Variants in USP13 observed in about 807,000 individuals in gnomAD.
The protein encoded by USP13 is ubiquitin specific peptidase 13.
USP13 carries 68 observed loss-of-function variants against 107.8 expected under a neutral mutation model. The observed-to-expected ratio is 0.63, with a 90% confidence interval of 0.52 to 0.77. USP13 has a LOEUF of 0.77. USP13 is among the 30% of genes least tolerant of loss of function. USP13 has a pLI of 0.00. For missense variants in USP13, 945 were observed against 1,093.3 expected, an observed-to-expected ratio of 0.86 and a Z score of 1.91; for synonymous variants, 377 against 389.5, an observed-to-expected ratio of 0.97 and a Z score of 0.38.
rs550818389 is a variant in USP13, at chr3:179,758,206, G to T, written c.1948+1128G>T. On this transcript the variant is annotated intron_variant, in intron 16 of 20. Transcript: ENST00000263966. ...AGACCTGGGACCAGAACTAGGGCTA[G>T]GAGTTACCTTGCTTCTCATGCCACT... Among the ~76,000 whole-genome samples the T allele has an allele frequency of 7.9e-5, 12 of 152,242 alleles. No homozygotes were observed. In the South Asian group the frequency reaches 2.5e-3, roughly 32 times the overall value.
intron 6 of USP13, among the ~76,000 whole-genome samples, chr3:179,711,778 T>C (rs1397214055): frequency 6.6e-6 from 1 of 152,182 alleles, no homozygotes; most frequent in Admixed American, 6.5e-5. Context: ...CCCGAGGCTG[T>C]TGTACAGTTA....
chr3:179,762,202 TG>T (rs1715034940), intron 17 of USP13, among the ~76,000 whole-genome samples: 1 of 152,262 alleles, frequency 6.6e-6, no homozygotes, highest in African/African-American at 2.4e-5. Flanking sequence ...CGTTTGTGTT[TG>T]GTTTCTATCA....
chr3:179,677,244 G>A (rs1711508549), intron 1 of USP13, among the ~76,000 whole-genome samples: 1 of 151,776 alleles, frequency 6.6e-6, no homozygotes, highest in African/African-American at 2.4e-5. Flanking sequence ...TATGGACTTC[G>A]TGACATTATC....
In USP13 at chr3:179,787,353, T is replaced by C. The variant is rs1210259147; in HGVS notation, c.*3212T>C. 1 of 152,264 alleles carries C rather than the reference T, an allele frequency of 6.6e-6. No homozygotes were observed. The highest frequency in any genetic ancestry group is 1.5e-5 in the Non-Finnish European group (1 of 68,054). 9.4% of individuals were successfully genotyped at this position (152,264 alleles called of 1,614,324 possible). ...CTGTACCTCTCTGGGCCTTTTCATT[T>C]GAAACAAGTGGGTTAGACTAGATTA... is the stretch of plus-strand genomic sequence containing the variant. On this transcript the variant is annotated 3_prime_UTR_variant, in exon 21 of 21. Coordinates refer to ENST00000263966, the MANE Select transcript of USP13 (RefSeq NM_003940.3).
chr3:179,745,169 TTGA>T lies in USP13; in HGVS notation c.1666_1668del (p.Asp556del). The T allele has an allele frequency of 1.9e-6, 3 of 1,614,014 alleles. No individual in the cohort carries two copies. Among genetic ancestry groups the T allele is most frequent in the Non-Finnish European group, 2.5e-6 (3 of 1,180,002 alleles). ...CAGGCCTTCTCTGAACCAGAAAATG[TTGA>T]TGATTTCTGGAGCAGTGCCCTACAA... On this transcript the variant is annotated inframe_deletion, in exon 13 of 21. Transcript: ENST00000263966.
intron 4 of USP13, among the ~76,000 whole-genome samples, chr3:179,701,765 C>G (rs73172283): frequency 0.19 from 29,130 of 152,064 alleles, 2,894 homozygotes; most frequent in Admixed American, 0.25. Context: ...CTTCCCTTCT[C>G]TTTTCTTCCT....
chr3:179,677,590 T>G (rs537735148), intron 1 of USP13, among the ~76,000 whole-genome samples: 1 of 151,860 alleles, frequency 6.6e-6, no homozygotes, highest in Non-Finnish European at 1.5e-5. Context: ...GAAAATAAAA[T>G]AAAATAAAAT....
At chr3:179,754,882 G>C (rs769436855) in intron 15 of USP13, 28 bp downstream of exon 15, 27 of 1,597,758 alleles carry the variant, frequency 1.7e-5, no homozygotes, top group Non-Finnish European at 2.3e-5. Flanking sequence ...GAGAATATGC[G>C]CTACCCTCCC....
rs1050804428 is a variant in USP13, at chr3:179,765,755, A to G, written c.2320A>G (p.Ser774Gly). ...TAGCCACCCTGAGTTTGAAGAAGAC[A>G]GTGATTTTGTGATTGAGATGGAGAA... ...IFSHPEFEED[S>G]DFVIEMENNA... Residue 774 changes from serine to glycine, a missense_variant, in exon 19 of 21, where the codon AGT becomes GGT. Physicochemically the swap from Ser to Gly is moderately conservative, Grantham distance 56 (BLOSUM62 0). Transcript: ENST00000263966. 1.2e-6 allele frequency: 2 copies of G among 1,614,212 alleles called. No homozygotes were observed. Among genetic ancestry groups the G allele is most frequent in the Non-Finnish European group, 1.7e-6 (2 of 1,180,028 alleles).
intron 8 of USP13, among the ~76,000 whole-genome samples, chr3:179,728,790 G>A (rs1713676532): frequency 6.6e-6 from 1 of 152,184 alleles, no homozygotes. Flanking sequence ...GACCGGCCGG[G>A]CCAACACAGC....
chr3:179,766,909 C>T (rs1030422765), intron 19 of USP13, among the ~76,000 whole-genome samples: 1 of 152,158 alleles, frequency 6.6e-6, no homozygotes, highest in African/African-American at 2.4e-5. Flanking sequence ...AGATCCAGGC[C>T]ACCTGGTCTC....
chr3:179,699,743 TTTATTTTATTTATTTA>T (rs1712447929), intron 3 of USP13, among the ~76,000 whole-genome samples: 2 of 134,806 alleles, frequency 1.5e-5, no homozygotes, highest in African/African-American at 5.9e-5. Flanking sequence ...CTGTATCTTA[TTTATTTTATTTATTTA>T]TTTATTTATT....
chr3:179,701,018 T>C lies in USP13; in HGVS notation c.366T>C (p.Thr122=). Residue 122 remains threonine (T), a synonymous_variant, in exon 4 of 21, where the codon ACT becomes ACC. Coordinates refer to ENST00000263966, the MANE Select transcript of USP13 (RefSeq NM_003940.3). ...RNSKIFLDLD[T]DDDLNSDDYE... is the part of the protein sequence containing the mutation. Reference sequence around the variant, plus strand: ...TTGTTTTCTCCTCAGATCTAGATACTGATGACGATTTAAATAGCGACGATT... The same window carrying C: ...TTGTTTTCTCCTCAGATCTAGATACCGATGACGATTTAAATAGCGACGATT... The C allele has an allele frequency of 6.2e-7, 1 of 1,613,544 alleles. No homozygotes were observed. The highest frequency in any genetic ancestry group is 8.5e-7 in the Non-Finnish European group (1 of 1,179,894).
At chr3:179,686,373 G>A (rs942527790) in intron 2 of USP13, among the ~76,000 whole-genome samples, 8 of 152,170 alleles carry the variant, frequency 5.3e-5, no homozygotes, top group Non-Finnish European at 8.8e-5. Flanking sequence ...CTTGAGGACA[G>A]GAGTTTGAGA....
At chr3:179,699,742 A>ATTTAT (rs1553790417) in intron 3 of USP13, among the ~76,000 whole-genome samples, 3 of 132,432 alleles carry the variant, frequency 2.3e-5, no homozygotes, top group African/African-American at 3.1e-5. Flanking sequence ...GCTGTATCTT[A>ATTTAT]TTTATTTTAT....
At chr3:179,663,765 G>A (rs1013254636) in intron 1 of USP13, among the ~76,000 whole-genome samples, 3 of 152,116 alleles carry the variant, frequency 2.0e-5, no homozygotes, top group Non-Finnish European at 2.9e-5. Flanking sequence ...CTTTCTGTCT[G>A]TCCCAAAAGA....
At chr3:179,671,321 G>C (rs1720744779) in intron 1 of USP13, among the ~76,000 whole-genome samples, 1 of 152,154 alleles carries the variant, frequency 6.6e-6, no homozygotes, top group African/African-American at 2.4e-5. Flanking sequence ...GTGTGGTTGG[G>C]AAGCCAGGTT....
chr3:179,653,344 C>A lies in USP13; in HGVS notation c.119C>A (p.Ser40Tyr). ...PHMPTIRVPRSGDRVYKNECA... is the reference protein window; with the variant it reads ...PHMPTIRVPRYGDRVYKNECA... Reference sequence around the variant, plus strand: ...ATGCCCACGATCCGCGTGCCCAGGTCCGGCGACAGGGTCTACAAGAACGAG... The same window carrying A: ...ATGCCCACGATCCGCGTGCCCAGGTACGGCGACAGGGTCTACAAGAACGAG... Residue 40 changes from serine (S) to tyrosine (Y), a missense_variant, in exon 1 of 21, where the codon TCC (serine) becomes TAC (tyrosine). Coordinates refer to ENST00000263966, the MANE Select transcript of USP13 (RefSeq NM_003940.3). This position sits in a 1 kb window ranked among gnomAD's most constrained non-coding sequence, Gnocchi z 4.0. 6.3e-7 allele frequency: 1 copy of A among 1,577,460 alleles called. No individual in the cohort carries two copies. Among genetic ancestry groups the A allele is most frequent in the Non-Finnish European group, 8.6e-7 (1 of 1,161,840 alleles).
chr3:179,708,303 C>A (rs1712795077), intron 5 of USP13, among the ~76,000 whole-genome samples: 1 of 117,028 alleles, frequency 8.5e-6, no homozygotes, highest in Non-Finnish European at 1.9e-5. Flanking sequence ...GGGAGAGGAA[C>A]AATAATTTTT....
Sources: gnomAD v4.1 joint callset for allele counts (sites outside exome capture counted in the v4.1 genomes callset) on GRCh38, gnomAD v4.1.1 for gene constraint, Gnocchi (gnomAD v3.1) non-coding constraint, MANE v1.5 for transcripts, NCBI Gene and HGNC (gene_info 2026-07-23, HGNC 2026-07-21) for gene names.